Variants in GAS7 observed in about 807,000 individuals in gnomAD.
The protein encoded by GAS7 is growth arrest specific 7.
A neutral mutation model predicts 71.1 loss-of-function variants in GAS7; 28 were observed. That is an observed-to-expected ratio of 0.39 (90% CI 0.29 to 0.54). The LOEUF (loss-of-function observed/expected upper bound fraction) is 0.54, where lower values mean the gene tolerates loss of function less well. GAS7 is among the 20% of genes least tolerant of loss of function. GAS7 has a pLI of 0.62. For synonymous variants in GAS7, 258 were observed against 245.8 expected, an observed-to-expected ratio of 1.05 and a Z score of -0.46; for missense variants, 436 against 627.8, an observed-to-expected ratio of 0.69 and a Z score of 3.27.
At chr17:10,070,918 C>T (rs74373313) in intron 1 of GAS7, among the ~76,000 whole-genome samples, 6,895 of 150,930 alleles carry the variant, frequency 0.046, 192 homozygotes, top group Middle Eastern at 0.068. Flanking sequence ...AAAGTAATTG[C>T]GTTTTTTGCC....
chr17:9,924,252 C>T (rs1198984517), intron 11 of GAS7, among the ~76,000 whole-genome samples: 1 of 152,210 alleles, frequency 6.6e-6, no homozygotes, highest in Non-Finnish European at 1.5e-5. Flanking sequence ...TAGTTCACCG[C>T]AGCCTTAACC....
intron 1 of GAS7, among the ~76,000 whole-genome samples, chr17:10,045,261 G>C (rs1024254483): frequency 3.3e-5 from 5 of 152,166 alleles, no homozygotes; most frequent in East Asian, 3.8e-4. Context: ...AAGAGGACAG[G>C]CCATAGACTG....
chr17:10,138,292 TTAAA>T (rs1408172805), intron 1 of GAS7, among the ~76,000 whole-genome samples: 1 of 152,122 alleles, frequency 6.6e-6, no homozygotes, highest in African/African-American at 2.4e-5. Context: ...GTGAAGGCAC[TTAAA>T]TAAATGTAAA....
intron 1 of GAS7, among the ~76,000 whole-genome samples, chr17:10,027,387 C>A (rs2072492401): frequency 6.6e-6 from 1 of 152,180 alleles, no homozygotes; most frequent in Non-Finnish European, 1.5e-5. Context: ...CATCTGTGAA[C>A]AAATCCCAGC....
At chr17:9,943,504 A>T (rs1461324181) in intron 6 of GAS7, among the ~76,000 whole-genome samples, 1 of 152,174 alleles carries the variant, frequency 6.6e-6, no homozygotes, top group Non-Finnish European at 1.5e-5. Flanking sequence ...TGAGAGGAAG[A>T]AGGGCAAGTG....
chr17:10,189,262 A>C (rs921160843), intron 1 of GAS7, among the ~76,000 whole-genome samples: 1 of 152,110 alleles, frequency 6.6e-6, no homozygotes, highest in Non-Finnish European at 1.5e-5. Context: ...CACTAGCTGC[A>C]ACATACATTC....
chr17:10,146,744 G>A (rs779305955), intron 1 of GAS7, among the ~76,000 whole-genome samples: 82 of 152,170 alleles, frequency 5.4e-4, no homozygotes, highest in Non-Finnish European at 1.0e-3. Flanking sequence ...CAGCACTTTG[G>A]GAGGCCGAGG....
chr17:10,166,428 A>C (rs2904912), intron 1 of GAS7, among the ~76,000 whole-genome samples: 112,615 of 152,174 alleles, frequency 0.74, 42,211 homozygotes, highest in African/African-American at 0.86. Flanking sequence ...AGAGTTTGCA[A>C]ATACCAAGTT....
At chr17:9,964,259 C>G (rs1163783877) in intron 4 of GAS7, among the ~76,000 whole-genome samples, 1 of 152,076 alleles carries the variant, frequency 6.6e-6, no homozygotes, top group Non-Finnish European at 1.5e-5. Context: ...GTGGGTCATT[C>G]ACAAGTGATT....
intron 1 of GAS7, among the ~76,000 whole-genome samples, chr17:10,091,236 G>T (rs552921039): frequency 3.3e-4 from 50 of 152,176 alleles, no homozygotes; most frequent in Non-Finnish European, 5.6e-4. Flanking sequence ...GGTTGTCAGG[G>T]GCTGAGTGGC....
chr17:10,062,223 G>A (rs1269129933), intron 1 of GAS7, among the ~76,000 whole-genome samples: 1 of 152,246 alleles, frequency 6.6e-6, no homozygotes, highest in Non-Finnish European at 1.5e-5. Context: ...AATGGTTCAT[G>A]CTTGTAATCC....
At chr17:10,064,656 C>T (rs949420523) in intron 1 of GAS7, among the ~76,000 whole-genome samples, 11 of 152,158 alleles carry the variant, frequency 7.2e-5, no homozygotes, top group Admixed American at 5.9e-4. Context: ...GCTGACAACT[C>T]GCAGAAGTCT....
chr17:10,007,909 C>G (rs534850423), intron 2 of GAS7, among the ~76,000 whole-genome samples: 115 of 152,180 alleles, frequency 7.6e-4, no homozygotes, highest in African/African-American at 2.5e-3. Flanking sequence ...AGCTCCCCCC[C>G]GCAACCACCA....
In GAS7 at chr17:10,129,365, T is replaced by C. The variant is rs185781035; in HGVS notation, c.183+68843A>G. Among the ~76,000 whole-genome samples, 240 of 152,112 alleles carry C rather than the reference T, an allele frequency of 1.6e-3. 8 individuals carry two copies. The South Asian group carries it at 0.032, about 20-fold the overall frequency. The stretch of plus-strand genomic sequence containing the variant: ...GCCTGGGCAACGCAGGAAGACACTA[T>C]CTCTATGAAAGGTTTAAAAATTAGC... On this transcript the variant is annotated intron_variant, in intron 1 of 13. Transcript: ENST00000432992.
intron 1 of GAS7, among the ~76,000 whole-genome samples, chr17:10,146,878 G>A (rs542491158): frequency 6.6e-6 from 1 of 151,730 alleles, no homozygotes; most frequent in South Asian, 2.1e-4. Flanking sequence ...CAGCTACTCG[G>A]GAGGCTGAGG....
At chr17:10,082,195 T>C (rs1244604565) in intron 1 of GAS7, among the ~76,000 whole-genome samples, 1 of 152,176 alleles carries the variant, frequency 6.6e-6, no homozygotes, top group Non-Finnish European at 1.5e-5. Context: ...GTATTTTGGA[T>C]ATACACACGT....
chr17:10,014,484 GC>G (rs2071911747), intron 2 of GAS7, among the ~76,000 whole-genome samples: 1 of 152,204 alleles, frequency 6.6e-6, no homozygotes, highest in East Asian at 1.9e-4. Context: ...TCCTCAAAAT[GC>G]CCCAAGGCCC....
At chr17:10,182,641 G>A (rs780133390) in intron 1 of GAS7, among the ~76,000 whole-genome samples, 4 of 152,130 alleles carry the variant, frequency 2.6e-5, no homozygotes, top group African/African-American at 9.7e-5. Context: ...TAGGGCACAC[G>A]GCAGAAATCC....
chr17:10,172,350 T>C (rs1038244961), intron 1 of GAS7, among the ~76,000 whole-genome samples: 1 of 152,166 alleles, frequency 6.6e-6, no homozygotes, highest in African/African-American at 2.4e-5. Flanking sequence ...GCCCAAGGAT[T>C]CCCCAGGGGG....
Sources: allele counts gnomAD v4.1 joint callset (sites outside exome capture counted in the v4.1 genomes callset), GRCh38; gene constraint gnomAD v4.1.1; transcripts MANE v1.5; gene names NCBI Gene and HGNC (gene_info 2026-07-23, HGNC 2026-07-21).